TPT1: variants seen among roughly 807,000 people sequenced by gnomAD.
TPT1 encodes translationally-controlled tumor protein.
In TPT1, 5 loss-of-function variants were observed where a neutral mutation model predicts 22.8. The ratio of observed to expected loss-of-function variants is 0.22; its 90% CI spans 0.11 to 0.46. The LOEUF is 0.46. TPT1 is among the 20% of genes least tolerant of loss of function. TPT1 has a pLI of 0.99. For synonymous variants in TPT1, 89 were observed against 73.6 expected (o/e 1.21, Z -1.07); for missense variants, 130 against 218.7 (o/e 0.59, Z 2.56).
chr13:45,335,975 TTACAAGTG>T lies in TPT1; in HGVS notation c.*1403_*1410del, dbSNP rs1282530275. On this transcript the variant is annotated 3_prime_UTR_variant, in exon 6 of 6. Transcript: ENST00000530705. ...CACTGGCCTGCTTTTAATCTTTCTT[TTACAAGTG>T]TAATCAACCAGGTAAGGCTGATAGA... 1 of 152,180 alleles carries T rather than the reference TTACAAGTG, an allele frequency of 6.6e-6. No homozygotes were observed. Among genetic ancestry groups the T allele is most frequent in the East Asian group, 1.9e-4 (1 of 5,192 alleles). The allele number at this position is 152,180 out of a possible 1,614,324, so 9.4% of individuals were successfully genotyped here. A position where few individuals can be genotyped will look rare whatever the true frequency, so the allele number is the denominator to read the frequency against.
intron 5 of TPT1, among the ~76,000 whole-genome samples, chr13:45,337,869 G>C (rs932405700): frequency 1.3e-5 from 2 of 152,174 alleles, no homozygotes; most frequent in African/African-American, 4.8e-5. Flanking sequence ...GCTTCCAGCA[G>C]TTCCTTCCAT....
rs1207682411 is a variant in TPT1, at chr13:45,335,940, A to C, written c.*1446T>G. 1 of 152,236 alleles carries C rather than the reference A, an allele frequency of 6.6e-6. No homozygotes were observed. Among genetic ancestry groups the C allele is most frequent in the African/African-American group, 2.4e-5 (1 of 41,462 alleles). The allele number at this position is 152,236 out of a possible 1,614,324, so 9.4% of individuals were successfully genotyped here. On this transcript the variant is annotated 3_prime_UTR_variant, in exon 6 of 6. Coordinates refer to ENST00000530705, the MANE Select transcript of TPT1 (RefSeq NM_003295.4). Reference sequence around the variant, plus strand: ...AACCACTACATTCACATGTTCAAGCAGACCAGAGTCACTGGCCTGCTTTTA... The same window carrying C: ...AACCACTACATTCACATGTTCAAGCCGACCAGAGTCACTGGCCTGCTTTTA...
intron 4 of TPT1, 74 bp downstream of exon 4, chr13:45,339,423 G>C (rs1448418652): frequency 7.3e-7 from 1 of 1,362,924 alleles, no homozygotes; most frequent in Admixed American, 1.9e-5. Context: ...TAGAATTGAA[G>C]ATTAATCAAC....
At chr13:45,339,726 T>C in intron 3 of TPT1, 124 bp from the exon 4 acceptor site, 1 of 862,964 alleles carries the variant, frequency 1.2e-6, no homozygotes, top group Non-Finnish European at 1.8e-6. Context: ...GTTAAGAAAT[T>C]ACTAGTTCAC....
intron 1 of TPT1, 35 bp from the exon 2 acceptor site, chr13:45,340,820 C>T: frequency 2.0e-6 from 3 of 1,504,672 alleles, no homozygotes; most frequent in East Asian, 2.3e-5. Context: ...TCACCGTGCG[C>T]CTGGCGCCGC....
chr13:45,338,875 A>G (rs1306265709), intron 4 of TPT1, 99 bp from the exon 5 acceptor site: 1 of 1,032,096 alleles, frequency 9.7e-7, no homozygotes, highest in African/African-American at 1.6e-5. Context: ...GACCACCACA[A>G]AAATCAAAAC....
At chr13:45,340,946 G>A in intron 1 of TPT1, 96 bp downstream of exon 1, 1 of 1,543,226 alleles carries the variant, frequency 6.5e-7, no homozygotes, top group Non-Finnish European at 8.8e-7. Flanking sequence ...AAGACCGCCG[G>A]CGTCCCCTAG....
rs760384212 is a variant in TPT1, at chr13:45,341,023, T to C, written c.28+19A>G. Reference sequence around the variant, plus strand: ...AGACCCCCGTGTGCGGCAGTAAGGATAGTGCAGTGAGGACTCACGGCTGAT... The same window carrying C: ...AGACCCCCGTGTGCGGCAGTAAGGACAGTGCAGTGAGGACTCACGGCTGAT... On this transcript the variant is annotated intron_variant, in intron 1 of 5. Transcript: ENST00000530705. 30 of 1,610,972 alleles carry C rather than the reference T, an allele frequency of 1.9e-5. No individual in the cohort carries two copies. In the African/African-American group the frequency reaches 2.8e-4, roughly 15 times the overall value.
rs1878898372 is a variant in TPT1, at chr13:45,338,955, G to A, written c.400-179C>T. 9.7e-6 allele frequency: 5 copies of A among 515,338 alleles called. No homozygotes were observed. The Admixed American group carries it at 1.9e-4, about 20-fold the overall frequency. The allele number at this position is 515,338 out of a possible 1,614,324, so 31.9% of individuals were successfully genotyped here. ...TTCACTGGATTAAGGCACCTTAATAGTGACCTAAATAGAAAAATAACGTAC... is the reference window on the plus strand; with the variant it reads ...TTCACTGGATTAAGGCACCTTAATAATGACCTAAATAGAAAAATAACGTAC... On this transcript the variant is annotated intron_variant, in intron 4 of 5. Transcript: ENST00000530705.
In TPT1 at chr13:45,340,701, G is replaced by C. The variant is rs745749759; in HGVS notation, c.102+11C>G. ...CCCGGACTCCCCCACGCGCAGGCCC[G>C]ACCGACTCACCTTCCCCTCCACCTC... On this transcript the variant is annotated intron_variant, in intron 2 of 5. Coordinates refer to ENST00000530705, the MANE Select transcript of TPT1 (RefSeq NM_003295.4). 2.6e-6 allele frequency: 4 copies of C among 1,545,784 alleles called. No homozygotes were observed. Among genetic ancestry groups the C allele is most frequent in the Non-Finnish European group, 1.7e-6 (2 of 1,145,790 alleles).
In TPT1 at chr13:45,341,158, G is replaced by A. The variant is rs936835090; in HGVS notation, c.-89C>T. 77 of 1,559,740 alleles carry A rather than the reference G, an allele frequency of 4.9e-5. No homozygotes were observed. The highest frequency in any genetic ancestry group is 8.2e-5 in the African/African-American group (6 of 73,356). ...CGCGGTGCAGCCGGAGCGGCGCTCG[G>A]GGGGAGGGGGGAGCGGGCGGAAAAG... On this transcript the variant is annotated 5_prime_UTR_variant, in exon 1 of 6. Transcript: ENST00000530705.
chr13:45,339,065 A>G, intron 4 of TPT1: 1 of 330,290 alleles, frequency 3.0e-6, no homozygotes, highest in East Asian at 5.5e-5. Context: ...GTGCTTATAT[A>G]GTCAACCACA....
chr13:45,340,139 C>A lies in TPT1; in HGVS notation c.148G>T (p.Gly50Ter). ...TCGGGGCCTTCAGCGGAGGCATTTC[C>A]ACCAATGAGCGAGTCATCAATGTTA... is the stretch of plus-strand genomic sequence containing the variant. ...EGNIDDSLIG[G>*]NASAEGPEGE... Residue 50 changes from glycine (G) to a stop codon, truncating the protein, a stop_gained, in exon 3 of 6, where the codon GGA becomes TGA. Coordinates refer to ENST00000530705, the MANE Select transcript of TPT1 (RefSeq NM_003295.4). LOFTEE classifies it high-confidence loss of function. 6.2e-7 allele frequency: 1 copy of A among 1,614,094 alleles called. No individual in the cohort carries two copies. Among genetic ancestry groups the A allele is most frequent in the East Asian group, 2.2e-5 (1 of 44,870 alleles).
chr13:45,340,944 C>G, intron 1 of TPT1, 98 bp downstream of exon 1: 3 of 1,542,072 alleles, frequency 1.9e-6, no homozygotes, highest in Non-Finnish European at 2.6e-6. Context: ...CTAAGACCGC[C>G]GGCGTCCCCT....
At position 45,340,128 on chromosome 13, in the gene TPT1, G is replaced by A. The variant is rs11552488; in HGVS notation, c.159C>T (p.Ser53=). The change falls in exon 3 of 6, where the codon TCC becomes TCT. Residue 53 remains serine, a synonymous_variant. Coordinates refer to ENST00000530705, the MANE Select transcript of TPT1 (RefSeq NM_003295.4). ...IDDSLIGGNA[S]AEGPEGEGTE... ...TACCTTCGCCCTCGGGGCCTTCAGC[G>A]GAGGCATTTCCACCAATGAGCGAGT... 1.9e-6 allele frequency: 3 copies of A among 1,613,986 alleles called. No individual in the cohort carries two copies. Among genetic ancestry groups the A allele is most frequent in the African/African-American group, 1.3e-5 (1 of 74,920 alleles).
In TPT1 at chr13:45,336,169, A is replaced by C. The variant is rs1413655103; in HGVS notation, c.*1217T>G. Reference sequence around the variant, plus strand: ...AAAAATTAGCTGGGCATAGGGGTGCATGCCTGCAGTCCCAGCAACTAGTGA... The same window carrying C: ...AAAAATTAGCTGGGCATAGGGGTGCCTGCCTGCAGTCCCAGCAACTAGTGA... On this transcript the variant is annotated 3_prime_UTR_variant, in exon 6 of 6. Coordinates refer to ENST00000530705, the MANE Select transcript of TPT1 (RefSeq NM_003295.4). 6.6e-6 allele frequency: 1 copy of C among 152,234 alleles called. No individual in the cohort carries two copies. Among genetic ancestry groups the C allele is most frequent in the Non-Finnish European group, 1.5e-5 (1 of 68,062 alleles). The allele number at this position is 152,234 out of a possible 1,614,324, so 9.4% of individuals were successfully genotyped here. A position where few individuals can be genotyped will look rare whatever the true frequency, so the allele number is the denominator to read the frequency against.
At chr13:45,340,550 G>C (rs540150334) in intron 2 of TPT1, 162 bp downstream of exon 2, 1 of 922,120 alleles carries the variant, frequency 1.1e-6, no homozygotes, top group Non-Finnish European at 1.7e-6. Context: ...CTATTTCCAG[G>C]ATCAGCTCCG....
intron 2 of TPT1, 189 bp downstream of exon 2, chr13:45,340,523 G>C (rs1176191056): frequency 5.0e-6 from 4 of 798,756 alleles, no homozygotes; most frequent in Non-Finnish European, 6.3e-6. Context: ...AGGAGGATGG[G>C]CGCCGAGGCG....
At position 45,335,630 on chromosome 13, in the gene TPT1, G is replaced by A. The variant is rs758131747; in HGVS notation, c.*1756C>T. On this transcript the variant is annotated 3_prime_UTR_variant, in exon 6 of 6. Coordinates refer to ENST00000530705, the MANE Select transcript of TPT1 (RefSeq NM_003295.4). ...TTTCATTACAATGTCAAATCAGAAC[G>A]CTAAGCCAGGTGCAATGCCTCACAC... 4 of 152,116 alleles carry A rather than the reference G, an allele frequency of 2.6e-5. No individual in the cohort carries two copies. The highest frequency in any genetic ancestry group is 6.5e-5 in the Admixed American group (1 of 15,270). The allele number at this position is 152,116 out of a possible 1,614,324, so 9.4% of individuals were successfully genotyped here.
Sources: allele counts gnomAD v4.1 joint callset (sites outside exome capture counted in the v4.1 genomes callset), GRCh38; gene constraint gnomAD v4.1.1; transcripts MANE v1.5; gene names NCBI Gene and HGNC (gene_info 2026-07-23, HGNC 2026-07-21).